TBC1D32: variants seen among roughly 807,000 people sequenced by gnomAD.
The protein encoded by TBC1D32 is TBC1 domain family member 32.
TBC1D32 carries 151 observed loss-of-function variants against 170.3 expected under a neutral mutation model. The ratio of observed to expected loss-of-function variants is 0.89; its 90% CI spans 0.78 to 1.01. The LOEUF (loss-of-function observed/expected upper bound fraction) is 1.01. Among genes scored for constraint, TBC1D32 ranks in the 50% least tolerant of loss-of-function variants. The pLI is 0.00. For missense variants in TBC1D32, 1,464 were observed against 1,457.1 expected, an observed-to-expected ratio of 1.00 and a Z score of -0.08; for synonymous variants, 498 against 488.0, an observed-to-expected ratio of 1.02 and a Z score of -0.27.
At chr6:121,303,838 G>C in intron 8 of TBC1D32, 77 bp from the exon 9 acceptor site, 1 of 1,014,340 alleles carries the variant, frequency 9.9e-7, no homozygotes, top group Non-Finnish European at 1.3e-6. Context: ...GAATGATAAA[G>C]TAGCATATAA....
chr6:121,236,720 G>A (rs1796373024), intron 20 of TBC1D32, among the ~76,000 whole-genome samples: 1 of 151,964 alleles, frequency 6.6e-6, no homozygotes, highest in Non-Finnish European at 1.5e-5. Context: ...CCTTCTATTT[G>A]AATTATAAAT....
intron 4 of TBC1D32, among the ~76,000 whole-genome samples, chr6:121,308,428 G>T (rs1025687957): frequency 5.3e-5 from 8 of 151,934 alleles, no homozygotes; most frequent in African/African-American, 1.9e-4. Context: ...CAGTAGCCTT[G>T]TCCTACAGGC....
chr6:121,182,207 C>T (rs114087025), intron 22 of TBC1D32, among the ~76,000 whole-genome samples: 1 of 151,922 alleles, frequency 6.6e-6, no homozygotes, highest in South Asian at 2.1e-4. Flanking sequence ...ATAGTACTTG[C>T]AAATTCTCTG....
intron 2 of TBC1D32, among the ~76,000 whole-genome samples, chr6:121,320,467 C>T (rs971678950): frequency 1.3e-5 from 2 of 151,938 alleles, no homozygotes; most frequent in African/African-American, 4.8e-5. Context: ...TTTCATTAAC[C>T]GTCTAATAAA....
At chr6:121,246,471 A>G (rs1275820885) in intron 17 of TBC1D32, among the ~76,000 whole-genome samples, 1 of 152,042 alleles carries the variant, frequency 6.6e-6, no homozygotes, top group Non-Finnish European at 1.5e-5. Flanking sequence ...ATTTGACATA[A>G]AAGGGTTCTG....
rs116211343 is a variant in TBC1D32 at position 121,225,818 on chromosome 6, G to A, written c.2365-2466C>T. ...AGATGTTAGCTTAGTGCAAAATTGT[G>A]ATGTATTATGCATTTCTGGAATAAA... On this transcript the variant is annotated intron_variant, in intron 20 of 31. Coordinates refer to ENST00000398212, the MANE Select transcript of TBC1D32 (RefSeq NM_152730.6). 5.3e-3 allele frequency among the ~76,000 whole-genome samples: 799 copies of A among 152,106 alleles called. 9 individuals are homozygous for A. The highest frequency in any genetic ancestry group is 0.017 in the African/African-American group (691 of 41,526).
chr6:121,228,915 A>G (rs1406388361), intron 20 of TBC1D32, among the ~76,000 whole-genome samples: 2 of 152,118 alleles, frequency 1.3e-5, no homozygotes, highest in Admixed American at 1.3e-4. Context: ...TAGATATTTT[A>G]TTAGGATCAT....
chr6:121,284,672 G>T (rs1054941466), intron 12 of TBC1D32, among the ~76,000 whole-genome samples: 54 of 152,214 alleles, frequency 3.5e-4, no homozygotes, highest in African/African-American at 1.2e-3. Context: ...GTTGACCTAT[G>T]CTAATATAGT....
intron 22 of TBC1D32, among the ~76,000 whole-genome samples, chr6:121,187,377 T>G (rs770259773): frequency 2.0e-5 from 3 of 152,132 alleles, no homozygotes; most frequent in Non-Finnish European, 4.4e-5. Context: ...CACCTAATCC[T>G]CTACTTTCAT....
chr6:121,193,942 C>G (rs993956668), intron 22 of TBC1D32, among the ~76,000 whole-genome samples: 3 of 152,150 alleles, frequency 2.0e-5, no homozygotes, highest in Non-Finnish European at 2.9e-5. Context: ...ACAATCTAGG[C>G]TGTGAATATT....
At chr6:121,262,650 T>C (rs1379343019) in intron 15 of TBC1D32, among the ~76,000 whole-genome samples, 1 of 152,054 alleles carries the variant, frequency 6.6e-6, no homozygotes, top group Non-Finnish European at 1.5e-5. Flanking sequence ...CTAATTTTTC[T>C]ATTTTTAGTA....
intron 17 of TBC1D32, among the ~76,000 whole-genome samples, chr6:121,255,100 G>C (rs945621388): frequency 6.6e-6 from 1 of 151,878 alleles, no homozygotes; most frequent in African/African-American, 2.4e-5. Context: ...CCTAATCTAA[G>C]ATGTAAAAAC....
Position 121,281,635 on chromosome 6 carries a change from T to A in TBC1D32, c.1517A>T (p.Asp506Val), listed in dbSNP as rs200303171. 31 of 1,606,032 alleles carry A rather than the reference T, an allele frequency of 1.9e-5. No individual in the cohort carries two copies. The highest frequency in any genetic ancestry group is 1.7e-6 in the Non-Finnish European group (2 of 1,175,420). Residue 506 changes from aspartate (D) to valine (V), a missense_variant, in exon 14 of 32, where the codon GAT (aspartate) becomes GTT (valine). Physicochemically the swap from Asp to Val is radical, Grantham distance 152. Coordinates refer to ENST00000398212, the MANE Select transcript of TBC1D32 (RefSeq NM_152730.6). ...MVTEVLWILS[D>V]QKECAVECLY... ...GCATTCCACTGCACATTCTTTTTGA[T>A]CACTGAGTATCCACAGAACTTCAGT...
At chr6:121,282,614 A>C (rs925401243) in intron 13 of TBC1D32, among the ~76,000 whole-genome samples, 1 of 151,794 alleles carries the variant, frequency 6.6e-6, no homozygotes, top group African/African-American at 2.4e-5. Flanking sequence ...CCTGTTTACA[A>C]GGACAGATAT....
chr6:121,138,608 C>A (rs984287402), intron 24 of TBC1D32, among the ~76,000 whole-genome samples: 3 of 152,014 alleles, frequency 2.0e-5, no homozygotes, highest in Non-Finnish European at 4.4e-5. Flanking sequence ...AAGTCAATTA[C>A]CTTTATCTGC....
At chr6:121,293,038 C>G (rs961784360) in intron 11 of TBC1D32, among the ~76,000 whole-genome samples, 2 of 151,730 alleles carry the variant, frequency 1.3e-5, no homozygotes, top group African/African-American at 4.8e-5. Flanking sequence ...TTCTTGAGTA[C>G]CAGAAAAGAT....
intron 22 of TBC1D32, among the ~76,000 whole-genome samples, chr6:121,191,493 C>G (rs1562841643): frequency 6.6e-6 from 1 of 151,996 alleles, no homozygotes; most frequent in Non-Finnish European, 1.5e-5. Flanking sequence ...AAATAGGGAG[C>G]AGGGTCAGCT....
At chr6:121,085,990 G>T (rs1185401682) in intron 31 of TBC1D32, among the ~76,000 whole-genome samples, 1 of 152,008 alleles carries the variant, frequency 6.6e-6, no homozygotes, top group African/African-American at 2.4e-5. Flanking sequence ...GAAGTCTCAG[G>T]AGCTGGAGAA....
At chr6:121,282,381 G>A (rs1005667786) in intron 13 of TBC1D32, among the ~76,000 whole-genome samples, 2 of 151,576 alleles carry the variant, frequency 1.3e-5, no homozygotes, top group African/African-American at 4.8e-5. Flanking sequence ...TAGTTTTTAA[G>A]GTAAGATTGT....
Sources: gnomAD v4.1 joint callset for allele counts (sites outside exome capture counted in the v4.1 genomes callset) on GRCh38, gnomAD v4.1.1 for gene constraint, MANE v1.5 for transcripts, NCBI Gene and HGNC (gene_info 2026-07-23, HGNC 2026-07-21) for gene names.